The following NLRP5 variants were observed in gnomAD, a reference collection of about 807,000 sequenced individuals.
The protein encoded by NLRP5 is NLR family pyrin domain containing 5, also known as NACHT, LRR and PYD domains-containing protein 5.
Under a neutral mutation model 113.1 loss-of-function variants are expected in NLRP5, and 93 were observed. That is an observed-to-expected ratio of 0.82 (90% CI 0.70 to 0.98). NLRP5 has a LOEUF of 0.98. Among genes scored for constraint, NLRP5 ranks in the 50% least tolerant of loss-of-function variants. The pLI, the probability that NLRP5 is intolerant of heterozygous loss-of-function variation, is 0.00. For missense variants in NLRP5, 1,808 were observed against 1,514.3 expected, an observed-to-expected ratio of 1.19 and a Z score of -3.22; for synonymous variants, 751 against 600.7, an observed-to-expected ratio of 1.25 and a Z score of -3.66.
chr19:56,044,333 C>T (rs1358399946), intron 11 of NLRP5, among the ~76,000 whole-genome samples: 3 of 152,160 alleles, frequency 2.0e-5, no homozygotes, highest in African/African-American at 4.8e-5. Flanking sequence ...GGATTACAGG[C>T]GTGAGCCGCC....
At chr19:56,031,537 AG>A (rs1463622955) in intron 7 of NLRP5, among the ~76,000 whole-genome samples, 1 of 151,248 alleles carries the variant, frequency 6.6e-6, no homozygotes, top group Non-Finnish European at 1.5e-5. Context: ...AGGCTGAGGC[AG>A]GAAAATCACT....
At chr19:56,057,759 C>T (rs1187114714) in intron 13 of NLRP5, among the ~76,000 whole-genome samples, 1 of 152,146 alleles carries the variant, frequency 6.6e-6, no homozygotes, top group African/African-American at 2.4e-5. Flanking sequence ...GGTGCAGTGG[C>T]TCATGCCTGT....
At position 56,028,024 on chromosome 19, in the gene NLRP5, G is replaced by A. The variant is rs1367012840; in HGVS notation, c.1791G>A (p.Val597=). The change falls in exon 7 of 15, where the codon GTG becomes GTA. Residue 597 remains valine (V), a synonymous_variant. Coordinates refer to ENST00000390649, the MANE Select transcript of NLRP5 (RefSeq NM_153447.4). ...ACTTCTGTGCCGCCTTGTACTACGT[G>A]TTAGAGGGCCTGGAAATCGAGCCAG... 1 of 1,614,006 alleles carries A rather than the reference G, an allele frequency of 6.2e-7. No homozygotes were observed. Among genetic ancestry groups the A allele is most frequent in the South Asian group, 1.1e-5 (1 of 91,082 alleles).
Position 56,019,900 on chromosome 19 carries a change from G to T in NLRP5, c.623-475G>T, listed in dbSNP as rs551644247. On this transcript the variant is annotated intron_variant, in intron 5 of 14. Transcript: ENST00000390649. ...CGCCCAAGCTGTAGTGCAGTGGCGG[G>T]ATCTCAGCTCAGTGCAACCTCTGCC... Among the ~76,000 whole-genome samples, 284 of 151,182 alleles carry T rather than the reference G, an allele frequency of 1.9e-3. 4 individuals are homozygous for T. The highest frequency in any genetic ancestry group is 0.01 in the Middle Eastern group (3 of 294).
intron 14 of NLRP5, among the ~76,000 whole-genome samples, chr19:56,059,038 A>G (rs1378746219): frequency 6.6e-6 from 1 of 152,202 alleles, no homozygotes; most frequent in African/African-American, 2.4e-5. Context: ...GTGATTTCCA[A>G]AGGATTGGGG....
At position 56,007,904 on chromosome 19, in the gene NLRP5, C is replaced by CGTGTGTGTGTGTGT. The variant is rs57588214; in HGVS notation, c.443-867_443-854dup. 1.3e-4 allele frequency among the ~76,000 whole-genome samples: 14 copies of CGTGTGTGTGTGTGT among 110,072 alleles called. 2 individuals are homozygous for CGTGTGTGTGTGTGT. Among genetic ancestry groups the CGTGTGTGTGTGTGT allele is most frequent in the African/African-American group, 2.3e-4 (7 of 30,040 alleles). The allele number at this position is 110,072 out of a possible 152,430, so 72.2% of individuals were successfully genotyped here. On this transcript the variant is annotated intron_variant, in intron 2 of 14. Transcript: ENST00000390649. ...GTGTGTGTGTGCGCGTGCGCGCGTG[C>CGTGTGTGTGTGTGT]GTGTGTGTGTGTGTGTGTGTGTGTG...
At chr19:56,012,518 G>A (rs1428034637) in intron 3 of NLRP5, among the ~76,000 whole-genome samples, 4 of 140,924 alleles carry the variant, frequency 2.8e-5, no homozygotes, top group Admixed American at 7.4e-5. Context: ...AATACAATTC[G>A]AAAATTTATA....
intron 3 of NLRP5, among the ~76,000 whole-genome samples, chr19:56,010,296 G>C (rs1434731099): frequency 6.6e-6 from 1 of 152,164 alleles, no homozygotes; most frequent in African/African-American, 2.4e-5. Context: ...GTTAAATTGA[G>C]GCAAGGTGGG....
rs1381003549 is a variant in NLRP5 at position 56,003,908 on chromosome 19, G to A, written c.255G>A (p.Lys85=). The A allele has an allele frequency of 1.9e-6, 3 of 1,613,984 alleles. No homozygotes were observed. The highest frequency in any genetic ancestry group is 1.1e-5 in the South Asian group (1 of 91,086). ...TTCAGACATTCAAGGAATTACTAAA[G>A]AAGAAATCTTCAGAATCGACCACAT... The change falls in exon 2 of 15, where the codon AAG becomes AAA. Residue 85 remains lysine (K), a synonymous_variant. Coordinates refer to ENST00000390649, the MANE Select transcript of NLRP5 (RefSeq NM_153447.4).
intron 6 of NLRP5, among the ~76,000 whole-genome samples, chr19:56,023,137 G>A (rs1982681553): frequency 6.6e-6 from 1 of 152,218 alleles, no homozygotes; most frequent in Admixed American, 6.5e-5. Context: ...ACGAAGGAGA[G>A]GATGGGAACC....
chr19:56,046,121 A>G (rs1219763671), intron 11 of NLRP5, among the ~76,000 whole-genome samples: 1 of 152,222 alleles, frequency 6.6e-6, no homozygotes, highest in Non-Finnish European at 1.5e-5. Flanking sequence ...ACATGAAGGT[A>G]TGTCCCTTGT....
In NLRP5 at chr19:56,013,596, G is replaced by GTTTTTTTTT. The variant is rs71183002; in HGVS notation, c.509-2133_509-2125dup. 6.7e-3 allele frequency among the ~76,000 whole-genome samples: 394 copies of GTTTTTTTTT among 59,182 alleles called. 54 individuals carry two copies. Among genetic ancestry groups the GTTTTTTTTT allele is most frequent in the African/African-American group, 0.025 (286 of 11,502 alleles). 38.8% of individuals were successfully genotyped at this position (59,182 alleles called of 152,430 possible). A position where few individuals can be genotyped will look rare whatever the true frequency, so the allele number is the denominator to read the frequency against. Reference sequence around the variant, plus strand: ...CATTTATCACATGATGGACATTTGGGTTTTTTTTTTTTTTTTTTTTTGCTA... The same window carrying GTTTTTTTTT: ...CATTTATCACATGATGGACATTTGGGTTTTTTTTTTTTTTTTTTTTTTTTTTTTTTGCTA... On this transcript the variant is annotated intron_variant, in intron 3 of 14. Coordinates refer to ENST00000390649, the MANE Select transcript of NLRP5 (RefSeq NM_153447.4).
chr19:56,037,764 G>A (rs1401159060), intron 9 of NLRP5, among the ~76,000 whole-genome samples: 3 of 151,892 alleles, frequency 2.0e-5, no homozygotes, highest in Non-Finnish European at 2.9e-5. Context: ...GAGGGAAGTG[G>A]GGTAGGCACC....
intron 2 of NLRP5, among the ~76,000 whole-genome samples, chr19:56,005,887 C>T (rs1041909960): frequency 2.0e-5 from 3 of 152,142 alleles, no homozygotes; most frequent in African/African-American, 7.2e-5. Flanking sequence ...AAATGGGTTC[C>T]CTATGGCTGA....
upstream of NLRP5, among the ~76,000 whole-genome samples, chr19:55,998,658 A>ATGTATATGTGTGTGTGTG (rs1555762359): frequency 9.2e-4 from 41 of 44,674 alleles, no homozygotes; most frequent in Admixed American, 2.9e-3. Flanking sequence ...GTCTCAAAAT[A>ATGTATATGTGTGTGTGTG]TGTGTGTGTG....
intron 9 of NLRP5, among the ~76,000 whole-genome samples, chr19:56,035,470 T>C (rs1295991386): frequency 1.3e-5 from 2 of 152,216 alleles, no homozygotes; most frequent in South Asian, 2.1e-4. Context: ...GCTCACTCTT[T>C]TGCTCACTGT....
intron 8 of NLRP5, among the ~76,000 whole-genome samples, chr19:56,033,254 C>CA (rs1194040707): frequency 2.6e-5 from 4 of 151,028 alleles, no homozygotes; most frequent in Non-Finnish European, 4.4e-5. Flanking sequence ...CCATCTTAAA[C>CA]AAAAAACAAA....
At chr19:56,033,854 G>A (rs1983214601) in intron 9 of NLRP5, 145 bp downstream of exon 9, 2 of 689,090 alleles carry the variant, frequency 2.9e-6, no homozygotes, top group African/African-American at 1.8e-5. Flanking sequence ...GGAGTTGAGT[G>A]CCACTGAATT....
rs755795875 is a variant in NLRP5 at position 56,027,910 on chromosome 19, T to C, written c.1677T>C (p.Ser559=). Reference sequence around the variant, plus strand: ...TCATGGTTCAAGGACTCGGGGAGTCTGAGCTCCGTGCTCTGTTTCACATGA... The same window carrying C: ...TCATGGTTCAAGGACTCGGGGAGTCCGAGCTCCGTGCTCTGTTTCACATGA... Residue 559 remains serine (S), a synonymous_variant, in exon 7 of 15, where the codon TCT becomes TCC. Coordinates refer to ENST00000390649, the MANE Select transcript of NLRP5 (RefSeq NM_153447.4). The C allele has an allele frequency of 4.3e-6, 7 of 1,613,852 alleles. No homozygotes were observed. Among genetic ancestry groups the C allele is most frequent in the Non-Finnish European group, 5.9e-6 (7 of 1,179,824 alleles).
Sources: allele counts gnomAD v4.1 joint callset (sites outside exome capture counted in the v4.1 genomes callset), GRCh38; gene constraint gnomAD v4.1.1; transcripts MANE v1.5; gene names NCBI Gene and HGNC (gene_info 2026-07-23, HGNC 2026-07-21).